RHPN2: variants seen among roughly 807,000 people sequenced by gnomAD.
The protein encoded by RHPN2 is rhophilin-2.
A neutral mutation model predicts 79.0 loss-of-function variants in RHPN2; 40 were observed. That is an observed-to-expected ratio of 0.51 (90% confidence interval 0.39 to 0.66). The LOEUF (loss-of-function observed/expected upper bound fraction) is 0.66, where lower values mean the gene tolerates loss of function less well. Ranked by LOEUF, RHPN2 falls within the 30% of genes least tolerant of loss-of-function variation. The probability of loss-of-function intolerance (pLI) is 0.00; values close to 1 mark genes in which losing one functional copy is unlikely to be tolerated. For synonymous variants in RHPN2, 285 were observed against 363.5 expected, an observed-to-expected ratio of 0.78 and a Z score of 2.46; for missense variants, 686 against 883.5, an observed-to-expected ratio of 0.78 and a Z score of 2.83.
At chr19:33,053,184 T>C (rs1394335342) in intron 1 of RHPN2, among the ~76,000 whole-genome samples, 1 of 151,942 alleles carries the variant, frequency 6.6e-6, no homozygotes, top group Non-Finnish European at 1.5e-5. Context: ...AGACGAGGTT[T>C]CACCATGTTG....
chr19:33,040,689 T>C (rs760752077), intron 2 of RHPN2, among the ~76,000 whole-genome samples: 13 of 151,978 alleles, frequency 8.6e-5, no homozygotes, highest in Non-Finnish European at 1.8e-4. Context: ...GCATGGTGGC[T>C]TACACCTGTA....
intron 7 of RHPN2, among the ~76,000 whole-genome samples, chr19:33,006,436 G>T (rs1291280925): frequency 6.6e-6 from 1 of 152,126 alleles, no homozygotes; most frequent in Non-Finnish European, 1.5e-5. Context: ...TATAACATCA[G>T]AAATTTCACG....
At chr19:33,033,608 C>A (rs970108814) in intron 2 of RHPN2, among the ~76,000 whole-genome samples, 2 of 151,624 alleles carry the variant, frequency 1.3e-5, no homozygotes, top group Non-Finnish European at 2.9e-5. Flanking sequence ...GTGGCTCACA[C>A]GTATAATACT....
chr19:33,022,792 G>T (rs1971935330), intron 3 of RHPN2, among the ~76,000 whole-genome samples: 1 of 152,192 alleles, frequency 6.6e-6, no homozygotes, highest in African/African-American at 2.4e-5. Flanking sequence ...AGGGCGAGGG[G>T]ACAATGCAGC....
chr19:32,978,754 A>G lies in RHPN2; in HGVS notation c.*1242T>C, dbSNP rs1971550659. On this transcript the variant is annotated 3_prime_UTR_variant, in exon 15 of 15. Coordinates refer to ENST00000254260, the MANE Select transcript of RHPN2 (RefSeq NM_033103.5). Reference sequence around the variant, plus strand: ...GTCTTCAATGCTATGTATTTTAGCTATGTAACTTGTACTGTGTCAACAGTG... The same window carrying G: ...GTCTTCAATGCTATGTATTTTAGCTGTGTAACTTGTACTGTGTCAACAGTG... 6.6e-6 allele frequency: 1 copy of G among 152,640 alleles called. No individual in the cohort carries two copies. Among genetic ancestry groups the G allele is most frequent in the African/African-American group, 2.4e-5 (1 of 41,466 alleles). The allele number at this position is 152,640 out of a possible 1,614,324, so 9.5% of individuals were successfully genotyped here. A position where few individuals can be genotyped will look rare whatever the true frequency, so the allele number is the denominator to read the frequency against.
At chr19:33,022,044 A>C (rs1308070951) in intron 3 of RHPN2, among the ~76,000 whole-genome samples, 3 of 151,860 alleles carry the variant, frequency 2.0e-5, no homozygotes, top group Non-Finnish European at 2.9e-5. Flanking sequence ...GGGTTCAAGC[A>C]ATTCTCCTGC....
At chr19:32,983,095 C>CACACACACACA (rs1568307710) in intron 14 of RHPN2, among the ~76,000 whole-genome samples, 4 of 147,154 alleles carry the variant, frequency 2.7e-5, no homozygotes, top group Non-Finnish European at 4.5e-5. Context: ...CACACACACA[C>CACACACACACA]TCCTGCAATG....
chr19:32,984,863 T>C (rs1971602769), intron 14 of RHPN2, among the ~76,000 whole-genome samples: 1 of 152,110 alleles, frequency 6.6e-6, no homozygotes. Context: ...ATCCTAACAC[T>C]TTGGGAGGCG....
Position 33,044,216 on chromosome 19 carries a change from T to G in RHPN2, c.185+33A>C, listed in dbSNP as rs897253623. The G allele has an allele frequency of 8.6e-6, 13 of 1,504,590 alleles. No homozygotes were observed. The African/African-American group carries it at 1.7e-4, about 19-fold the overall frequency. 93.2% of individuals were successfully genotyped at this position (1,504,590 alleles called of 1,614,324 possible). On this transcript the variant is annotated intron_variant, in intron 2 of 14. Coordinates refer to ENST00000254260, the MANE Select transcript of RHPN2 (RefSeq NM_033103.5). ...AGTTTAGGGAACAGATGACTAGGACTCAGGAGAGGCAGGGAAGCCAGAAGA... is the reference window on the plus strand; with the variant it reads ...AGTTTAGGGAACAGATGACTAGGACGCAGGAGAGGCAGGGAAGCCAGAAGA...
In RHPN2 at chr19:32,996,178, G is replaced by A. The variant is rs1445796184; in HGVS notation, c.1268C>T (p.Ser423Leu). The A allele has an allele frequency of 4.3e-6, 7 of 1,614,118 alleles. No individual in the cohort carries two copies. The highest frequency in any genetic ancestry group is 2.2e-5 in the East Asian group (1 of 44,874). The change falls in exon 11 of 15, where the codon TCG (serine) becomes TTG (leucine). Residue 423 changes from serine to leucine, a missense_variant. Coordinates refer to ENST00000254260, the MANE Select transcript of RHPN2 (RefSeq NM_033103.5). The part of the protein sequence containing the change: ...LRRAMAHHEE[S>L]VREASLCKKL... The stretch of plus-strand genomic sequence containing the variant: ...CTTGCAGAGGCTGGCCTCCCGCACC[G>A]ACTCCTCGTGATGAGCCATGGCTCT...
At position 32,992,120 on chromosome 19, in the gene RHPN2, C is replaced by T. The variant is rs537578330; in HGVS notation, c.1498-151G>A. ...CTGGGGGCATACATGCTACAGCAGT[C>T]ATGCGAGAACCTGGAAAGCCATCTT... is the stretch of plus-strand genomic sequence containing the variant. On this transcript the variant is annotated intron_variant, in intron 12 of 14. Transcript: ENST00000254260. The T allele has an allele frequency of 2.6e-4, 198 of 755,460 alleles. No individual in the cohort carries two copies. In the African/African-American group the frequency reaches 3.1e-3, roughly 12 times the overall value. The allele number at this position is 755,460 out of a possible 1,614,324, so 46.8% of individuals were successfully genotyped here. A position where few individuals can be genotyped will look rare whatever the true frequency, so the allele number is the denominator to read the frequency against.
intron 9 of RHPN2, among the ~76,000 whole-genome samples, chr19:33,000,596 CCT>C (rs932685703): frequency 9.9e-5 from 15 of 152,086 alleles, no homozygotes; most frequent in Non-Finnish European, 1.5e-5. Context: ...TAGCCCAGAC[CCT>C]GTCATGCCCG....
chr19:33,028,180 AGG>A (rs2069505038), intron 2 of RHPN2, among the ~76,000 whole-genome samples: 1 of 149,526 alleles, frequency 6.7e-6, no homozygotes, highest in Admixed American at 6.7e-5. Context: ...TTCTCTAGAC[AGG>A]GTATCAGTCT....
At chr19:33,062,851 G>C (rs973749591) in intron 1 of RHPN2, among the ~76,000 whole-genome samples, 3 of 151,710 alleles carry the variant, frequency 2.0e-5, no homozygotes, top group Admixed American at 6.6e-5. Flanking sequence ...TAGCTCTCTT[G>C]CCATCCACTC....
chr19:33,015,061 A>G (rs2145240854), intron 4 of RHPN2, among the ~76,000 whole-genome samples: 1 of 152,172 alleles, frequency 6.6e-6, no homozygotes, highest in South Asian at 2.1e-4. Context: ...TTTTGATTAA[A>G]TTTTATATGT....
At chr19:33,026,406 C>G in intron 3 of RHPN2, 98 bp downstream of exon 3, 2 of 1,506,332 alleles carry the variant, frequency 1.3e-6, no homozygotes, top group South Asian at 2.3e-5. Flanking sequence ...CTGCCACACC[C>G]CAGTCTAGAA....
intron 1 of RHPN2, among the ~76,000 whole-genome samples, chr19:33,060,623 C>T (rs1397325314): frequency 1.3e-5 from 2 of 152,128 alleles, no homozygotes; most frequent in Admixed American, 6.6e-5. Flanking sequence ...GCCTCAACCT[C>T]GTGGGCTCCG....
rs1434146749 is a variant in RHPN2 at position 33,002,947 on chromosome 19, T to G, written c.814A>C (p.Ser272Arg). ...ACGAGCACGCTGAGCATGGCAGGGC[T>G]CATGTCGTAACTTGGAGTATGGGTA... ...TFTHTPSYDM[S>R]PAMLSVLVKM... The change falls in exon 8 of 15, where the codon AGC becomes CGC. Residue 272 changes from serine to arginine, a missense_variant. Ser to Arg is a moderately radical substitution (Grantham distance 110, BLOSUM62 -1). Transcript: ENST00000254260. 1 of 1,613,844 alleles carries G rather than the reference T, an allele frequency of 6.2e-7. No homozygotes were observed. The highest frequency in any genetic ancestry group is 1.3e-5 in the African/African-American group (1 of 74,924).
intron 14 of RHPN2, among the ~76,000 whole-genome samples, chr19:32,986,810 A>C (rs1206941281): frequency 1.3e-5 from 2 of 149,726 alleles, no homozygotes; most frequent in African/African-American, 5.0e-5. Flanking sequence ...AAAAAAAAAA[A>C]ATTTTGAGAT....
Sources: allele counts gnomAD v4.1 joint callset (sites outside exome capture counted in the v4.1 genomes callset), GRCh38; gene constraint gnomAD v4.1.1; transcripts MANE v1.5; gene names NCBI Gene and HGNC (gene_info 2026-07-23, HGNC 2026-07-21).